Variants in CDH12 observed in about 807,000 individuals in gnomAD.
CDH12 encodes cadherin 12.
CDH12 carries 41 observed loss-of-function variants against 74.1 expected under a neutral mutation model. That is an observed-to-expected ratio of 0.55 (90% confidence interval 0.43 to 0.72). The LOEUF (loss-of-function observed/expected upper bound fraction) is 0.72. CDH12 is among the 30% of genes least tolerant of loss of function. The pLI is 0.00. For missense variants in CDH12, 945 were observed against 977.2 expected, an observed-to-expected ratio of 0.97 and a Z score of 0.44; for synonymous variants, 399 against 355.0, an observed-to-expected ratio of 1.12 and a Z score of -1.39.
At position 21,853,653 on chromosome 5, in the gene CDH12, A is replaced by G. The variant is rs566586860; in HGVS notation, c.646+1018T>C. Among the ~76,000 whole-genome samples, 16 of 151,824 alleles carry G rather than the reference A, an allele frequency of 1.1e-4. No individual in the cohort carries two copies. In the East Asian group the frequency reaches 2.7e-3, roughly 26 times the overall value. On this transcript the variant is annotated intron_variant, in intron 7 of 14. Transcript: ENST00000382254. The stretch of plus-strand genomic sequence containing the variant: ...GTTAATTAACTTATATCTAATTCGT[A>G]TACCAGATTTTTACACATACCTCTC...
intron 5 of CDH12, among the ~76,000 whole-genome samples, chr5:22,044,327 G>T (rs1739784024): frequency 6.6e-6 from 1 of 152,116 alleles, no homozygotes; most frequent in African/African-American, 2.4e-5. Context: ...AACAAAAGAG[G>T]TTTAATTAAC....
intron 1 of CDH12, among the ~76,000 whole-genome samples, chr5:22,621,843 T>C (rs558746620): frequency 6.6e-6 from 1 of 152,182 alleles, no homozygotes; most frequent in African/African-American, 2.4e-5. Flanking sequence ...AAAAAATCGA[T>C]AATTCAGTGC....
intron 1 of CDH12, among the ~76,000 whole-genome samples, chr5:22,821,483 A>C (rs2126476075): frequency 6.6e-6 from 1 of 152,144 alleles, no homozygotes; most frequent in African/African-American, 2.4e-5. Flanking sequence ...TATCTAGAAA[A>C]CCCCATTGTC....
chr5:21,868,316 G>A (rs6452014), intron 6 of CDH12, among the ~76,000 whole-genome samples: 109,644 of 152,046 alleles, frequency 0.72, 44,468 homozygotes, highest in Non-Finnish European at 0.9. Context: ...AAAACAGACC[G>A]ATACACCATG....
At chr5:22,136,776 G>GA (rs1350451678) in intron 4 of CDH12, among the ~76,000 whole-genome samples, 13 of 150,618 alleles carry the variant, frequency 8.6e-5, no homozygotes, top group African/African-American at 3.2e-4. Flanking sequence ...AAGTTGGAAA[G>GA]AAAAAATAAT....
chr5:22,663,697 C>T (rs1740460600), intron 1 of CDH12, among the ~76,000 whole-genome samples: 1 of 152,116 alleles, frequency 6.6e-6, no homozygotes, highest in Non-Finnish European at 1.5e-5. Context: ...TTATCACCCA[C>T]TTTAATGTCA....
chr5:22,139,808 C>CTTAA (rs1746684817), intron 4 of CDH12, among the ~76,000 whole-genome samples: 1 of 152,132 alleles, frequency 6.6e-6, no homozygotes, highest in South Asian at 2.1e-4. Flanking sequence ...GTGGCTGCAT[C>CTTAA]TTAATCACGT....
At chr5:22,058,288 C>T (rs1740894503) in intron 5 of CDH12, among the ~76,000 whole-genome samples, 1 of 152,070 alleles carries the variant, frequency 6.6e-6, no homozygotes. Flanking sequence ...AACTCTTAAG[C>T]TCAGACAATC....
chr5:22,598,435 C>T (rs1398722696), intron 1 of CDH12, among the ~76,000 whole-genome samples: 1 of 152,150 alleles, frequency 6.6e-6, no homozygotes, highest in Non-Finnish European at 1.5e-5. Flanking sequence ...TCGGCGCTCA[C>T]TCTCTATCCT....
At chr5:21,893,453 C>CACCTAT (rs1752982995) in intron 6 of CDH12, among the ~76,000 whole-genome samples, 2 of 152,168 alleles carry the variant, frequency 1.3e-5, no homozygotes, top group South Asian at 4.1e-4. Context: ...TAAGCAGACA[C>CACCTAT]ACCTATAGAA....
intron 3 of CDH12, among the ~76,000 whole-genome samples, chr5:22,351,579 T>C (rs1740357105): frequency 6.6e-6 from 1 of 152,234 alleles, no homozygotes; most frequent in Admixed American, 6.5e-5. Flanking sequence ...CGAGATGCTA[T>C]TATAGTTTCT....
At position 22,078,537 on chromosome 5, in the gene CDH12, G is replaced by A; in HGVS notation, c.140C>T (p.Ser47Leu). 1 of 1,613,912 alleles carries A rather than the reference G, an allele frequency of 6.2e-7. No homozygotes were observed. Among genetic ancestry groups the A allele is most frequent in the Non-Finnish European group, 8.5e-7 (1 of 1,179,848 alleles). ...GCCACGTTTAACACGTTGGAAATGT[G>A]ACCGTTGTCCTGGCAGATGGATAAC... ...ENVIHLPGQR[S>L]HFQRVKRGWV... Residue 47 changes from serine to leucine, a missense_variant, in exon 5 of 15, where the codon TCA becomes TTA. By Grantham distance (145) the Ser-to-Leu change is moderately radical. Transcript: ENST00000382254.
intron 1 of CDH12, among the ~76,000 whole-genome samples, chr5:22,529,032 T>C (rs913802432): frequency 1.1e-4 from 16 of 151,524 alleles, no homozygotes; most frequent in Admixed American, 5.9e-4. Flanking sequence ...TGTATGCATA[T>C]ATGCATATAT....
intron 2 of CDH12, among the ~76,000 whole-genome samples, chr5:22,493,175 A>G (rs1446956687): frequency 6.6e-6 from 1 of 152,204 alleles, no homozygotes. Context: ...GCTTCAAGTC[A>G]GAGGCAACTT....
At position 22,078,927 on chromosome 5, in the gene CDH12, G is replaced by T. The variant is rs190175603; in HGVS notation, c.-186-65C>A. 6.7e-4 allele frequency: 536 copies of T among 801,674 alleles called. No individual in the cohort carries two copies. The African/African-American group carries it at 8.4e-3, about 13-fold the overall frequency. The allele number at this position is 801,674 out of a possible 1,614,324, so 49.7% of individuals were successfully genotyped here. A position where few individuals can be genotyped will look rare whatever the true frequency, so the allele number is the denominator to read the frequency against. ...ATTGCATGATGATATTCATCACAAC[G>T]CTCATTATATCTGCCAACATTTAAG... On this transcript the variant is annotated intron_variant, in intron 4 of 14. Transcript: ENST00000382254.
chr5:22,204,825 A>G (rs896705693), intron 4 of CDH12, among the ~76,000 whole-genome samples: 3 of 152,182 alleles, frequency 2.0e-5, no homozygotes, highest in African/African-American at 7.2e-5. Flanking sequence ...TAATTTACAG[A>G]TAAGGGAATT....
intron 9 of CDH12, among the ~76,000 whole-genome samples, chr5:21,812,733 A>T (rs894628104): frequency 3.9e-5 from 6 of 152,154 alleles, no homozygotes; most frequent in Admixed American, 2.6e-4. Flanking sequence ...CAATATATAC[A>T]ATAGATAGGT....
chr5:22,342,092 A>G (rs1040740527), intron 3 of CDH12, among the ~76,000 whole-genome samples: 8 of 152,038 alleles, frequency 5.3e-5, no homozygotes, highest in Non-Finnish European at 8.8e-5. Flanking sequence ...ATTCATTGAG[A>G]GAGAGGTCTC....
At chr5:22,302,408 T>G (rs1196913135) in intron 3 of CDH12, among the ~76,000 whole-genome samples, 1 of 152,212 alleles carries the variant, frequency 6.6e-6, no homozygotes, top group Non-Finnish European at 1.5e-5. Context: ...GAGGCTTATT[T>G]CATAACACTA....
Sources: allele counts gnomAD v4.1 joint callset (sites outside exome capture counted in the v4.1 genomes callset), GRCh38; gene constraint gnomAD v4.1.1; transcripts MANE v1.5; gene names NCBI Gene and HGNC (gene_info 2026-07-23, HGNC 2026-07-21).